The following CRCP variants were observed in gnomAD, a reference collection of about 807,000 sequenced individuals.
CRCP encodes CGRP receptor component, also known as DNA-directed RNA polymerase III subunit RPC9.
A neutral mutation model predicts 18.5 loss-of-function variants in CRCP; 18 were observed. The observed-to-expected ratio is 0.97, with a 90% confidence interval of 0.67 to 1.44. CRCP has a LOEUF of 1.44. CRCP is among the 40% of genes most tolerant of loss of function. The pLI is 0.00. For missense variants in CRCP, 130 were observed against 176.4 expected (o/e 0.74, Z 1.49); for synonymous variants, 53 against 62.9 (o/e 0.84, Z 0.75).
intron 5 of CRCP, among the ~76,000 whole-genome samples, chr7:66,148,688 T>C (rs1788370178): frequency 6.6e-6 from 1 of 152,124 alleles, no homozygotes; most frequent in Admixed American, 6.5e-5. Context: ...TTGGAATGAT[T>C]TGTGAGCCCT....
At chr7:66,125,995 A>G (rs568547060) in intron 1 of CRCP, among the ~76,000 whole-genome samples, 3 of 149,534 alleles carry the variant, frequency 2.0e-5, no homozygotes, top group Admixed American at 6.7e-5. Flanking sequence ...TTTCAATTTT[A>G]AATGAACTCT....
At chr7:66,117,867 T>C (rs1787318375) in intron 1 of CRCP, among the ~76,000 whole-genome samples, 1 of 152,216 alleles carries the variant, frequency 6.6e-6, no homozygotes, top group South Asian at 2.1e-4. Context: ...CTGACAGGTA[T>C]TTCCTTCTCC....
intron 5 of CRCP, 63 bp downstream of exon 5, chr7:66,145,563 TGGACAAGCCA>T: frequency 6.4e-7 from 1 of 1,566,174 alleles, no homozygotes; most frequent in South Asian, 1.1e-5. Flanking sequence ...ATGGCTGTGG[TGGACAAGCCA>T]GGAACTGCGT....
rs1278230885 is a variant in CRCP at position 66,153,609 on chromosome 7, C to A, written c.*1252C>A. On this transcript the variant is annotated 3_prime_UTR_variant, in exon 6 of 6. Coordinates refer to ENST00000395326, the MANE Select transcript of CRCP (RefSeq NM_014478.5). ...TCCCTGTTTTAGGGAAGAAAATGATCATAGACATTCGATTTTCCAAATTGG... is the reference window on the plus strand; with the variant it reads ...TCCCTGTTTTAGGGAAGAAAATGATAATAGACATTCGATTTTCCAAATTGG... 1 of 152,052 alleles carries A rather than the reference C, an allele frequency of 6.6e-6. No homozygotes were observed. Among genetic ancestry groups the A allele is most frequent in the Non-Finnish European group, 1.5e-5 (1 of 68,030 alleles). The allele number at this position is 152,052 out of a possible 1,614,324, so 9.4% of individuals were successfully genotyped here.
intron 5 of CRCP, among the ~76,000 whole-genome samples, chr7:66,150,232 A>G (rs1315260976): frequency 1.3e-5 from 2 of 151,860 alleles, no homozygotes; most frequent in South Asian, 2.1e-4. Context: ...ACTAACCAAC[A>G]TGGAGAAACT....
At chr7:66,151,370 C>CCAT (rs1315365518) in intron 5 of CRCP, among the ~76,000 whole-genome samples, 1 of 152,082 alleles carries the variant, frequency 6.6e-6, no homozygotes, top group African/African-American at 2.4e-5. Flanking sequence ...GAGATTGAGA[C>CCAT]CATCCTGGCC....
chr7:66,138,621 T>TTAAA, intron 4 of CRCP, among the ~76,000 whole-genome samples: 1 of 93,416 alleles, frequency 1.1e-5, no homozygotes, highest in East Asian at 3.2e-4. Context: ...TCGTCTCTAC[T>TTAAA]AAAAAAAAAA....
At chr7:66,140,321 C>A (rs1185936670) in intron 4 of CRCP, among the ~76,000 whole-genome samples, 2 of 152,166 alleles carry the variant, frequency 1.3e-5, no homozygotes, top group South Asian at 2.1e-4. Flanking sequence ...CCTCCCAGAC[C>A]ACCTGCTTTT....
chr7:66,152,181 C>T, intron 5 of CRCP, 27 bp from the exon 6 acceptor site: 1 of 1,613,372 alleles, frequency 6.2e-7, no homozygotes, highest in South Asian at 1.1e-5. Context: ...CATTTGTAAC[C>T]CTGGAGGATT....
Position 66,152,598 on chromosome 7 carries a change from GACCCCTCTGT to G in CRCP, c.*242_*251del. The G allele has an allele frequency of 2.0e-6, 1 of 499,428 alleles. No homozygotes were observed. Among genetic ancestry groups the G allele is most frequent in the Non-Finnish European group, 3.6e-6 (1 of 276,290 alleles). The allele number at this position is 499,428 out of a possible 1,614,324, so 30.9% of individuals were successfully genotyped here. Reference sequence around the variant, plus strand: ...GCTGAAGGTGGGGACAGTGACCGCGGACCCCTCTGTGCTTGAAAGATTTCCTCCACGGCCT... The same window carrying G: ...GCTGAAGGTGGGGACAGTGACCGCGGGCTTGAAAGATTTCCTCCACGGCCT... On this transcript the variant is annotated 3_prime_UTR_variant, in exon 6 of 6. Transcript: ENST00000395326.
intron 3 of CRCP, among the ~76,000 whole-genome samples, chr7:66,131,266 G>A (rs1479107590): frequency 2.0e-5 from 3 of 151,998 alleles, no homozygotes; most frequent in Admixed American, 6.6e-5. Context: ...GAGCCACCGC[G>A]CCCAGCCTAC....
At chr7:66,130,894 G>A in intron 3 of CRCP, 52 bp downstream of exon 3, 4 of 981,466 alleles carry the variant, frequency 4.1e-6, no homozygotes, top group Non-Finnish European at 6.4e-6. Flanking sequence ...AGGGAGGGGG[G>A]TTTATTCTCC....
chr7:66,152,132 A>T, intron 5 of CRCP, 76 bp from the exon 6 acceptor site: 1 of 1,559,386 alleles, frequency 6.4e-7, no homozygotes, highest in Non-Finnish European at 8.8e-7. Context: ...GGCTGAGACC[A>T]TGAGCACAGT....
chr7:66,132,261 G>C (rs909763477), intron 3 of CRCP, among the ~76,000 whole-genome samples: 1 of 152,172 alleles, frequency 6.6e-6, no homozygotes, highest in Non-Finnish European at 1.5e-5. Context: ...CTGGGTTCCA[G>C]GATTCAGTTC....
In CRCP at chr7:66,114,857, T is replaced by C; in HGVS notation, c.-106T>C. Reference sequence around the variant, plus strand: ...CAGCGCGGCGATCCCGGCGAGCACCTTGGCGCGCGGAGCTGGCACCTTGGC... The same window carrying C: ...CAGCGCGGCGATCCCGGCGAGCACCCTGGCGCGCGGAGCTGGCACCTTGGC... On this transcript the variant is annotated 5_prime_UTR_variant, in exon 1 of 6. Transcript: ENST00000395326. 1 of 1,600,200 alleles carries C rather than the reference T, an allele frequency of 6.2e-7. No homozygotes were observed. The highest frequency in any genetic ancestry group is 8.6e-7 in the Non-Finnish European group (1 of 1,169,208).
At chr7:66,122,409 T>C (rs1048942931) in intron 1 of CRCP, among the ~76,000 whole-genome samples, 1 of 150,686 alleles carries the variant, frequency 6.6e-6, no homozygotes, top group African/African-American at 2.4e-5. Context: ...ACTGTTTGCA[T>C]GTGCCATTTG....
At chr7:66,151,685 G>C (rs1398029568) in intron 5 of CRCP, among the ~76,000 whole-genome samples, 2,494 of 141,764 alleles carry the variant, frequency 0.018, 33 homozygotes, top group Middle Eastern at 0.033. Flanking sequence ...GTGTGTGTGT[G>C]TGTGTGTGTG....
intron 5 of CRCP, among the ~76,000 whole-genome samples, chr7:66,150,137 C>T (rs964287623): frequency 2.0e-5 from 3 of 148,980 alleles, no homozygotes; most frequent in Non-Finnish European, 3.0e-5. Flanking sequence ...GGTTTTTGGC[C>T]GGGCGCGGTG....
chr7:66,126,015 A>G (rs1188335263), intron 1 of CRCP, among the ~76,000 whole-genome samples: 1 of 149,536 alleles, frequency 6.7e-6, no homozygotes, highest in Non-Finnish European at 1.5e-5. Flanking sequence ...TGTCACATGC[A>G]CTAATTATGC....
Sources: allele counts gnomAD v4.1 joint callset (sites outside exome capture counted in the v4.1 genomes callset), GRCh38; gene constraint gnomAD v4.1.1; transcripts MANE v1.5; gene names NCBI Gene and HGNC (gene_info 2026-07-23, HGNC 2026-07-21).